Variants in GUCA1C observed in about 807,000 individuals in gnomAD.
GUCA1C encodes the protein guanylate cyclase activator 1C.
Under a neutral mutation model 16.2 loss-of-function variants are expected in GUCA1C, and 15 were observed. The ratio of observed to expected loss-of-function variants is 0.93; its 90% CI spans 0.62 to 1.43. The LOEUF is 1.43. Ranked by LOEUF, GUCA1C falls within the 40% of genes most tolerant of loss-of-function variation. The pLI is 0.00. For missense variants in GUCA1C, 275 were observed against 244.8 expected (o/e 1.12, Z -0.82); for synonymous variants, 78 against 85.4 (o/e 0.91, Z 0.48).
At chr3:108,920,394 C>A in intron 2 of GUCA1C, 42 bp downstream of exon 2, 2 of 1,520,532 alleles carry the variant, frequency 1.3e-6, no homozygotes, top group Non-Finnish European at 1.8e-6. Context: ...ATTGGGTTAA[C>A]TATATAGCGG....
In GUCA1C at chr3:108,920,589, T is replaced by C; in HGVS notation, c.205-4A>G. On this transcript the variant is annotated splice_polypyrimidine_tract_variant and splice_region_variant and intron_variant, in intron 1 of 3. Transcript: ENST00000261047. ...CCAAAAAGTCAACAAATCCATCCTA[T>C]GGAAAGTAAGATGAAAAGAGAAATA... is the stretch of plus-strand genomic sequence containing the variant. The C allele has an allele frequency of 7.0e-7, 1 of 1,430,558 alleles. No homozygotes were observed. The highest frequency in any genetic ancestry group is 1.2e-5 in the South Asian group (1 of 84,716). 88.6% of individuals were successfully genotyped at this position (1,430,558 alleles called of 1,614,324 possible). A position where few individuals can be genotyped will look rare whatever the true frequency, so the allele number is the denominator to read the frequency against.
intron 1 of GUCA1C, among the ~76,000 whole-genome samples, chr3:108,929,305 G>A (rs988571448): frequency 7.2e-5 from 11 of 152,084 alleles, no homozygotes; most frequent in African/African-American, 1.9e-4. Flanking sequence ...CTAAAATCTC[G>A]TATTAGTTCT....
At chr3:108,933,112 ACTGC>A (rs1946687372) in intron 1 of GUCA1C, among the ~76,000 whole-genome samples, 3 of 151,968 alleles carry the variant, frequency 2.0e-5, no homozygotes, top group Non-Finnish European at 4.4e-5. Context: ...CTAATCTCTC[ACTGC>A]CAGCCCTAGC....
intron 1 of GUCA1C, among the ~76,000 whole-genome samples, chr3:108,922,524 A>G: frequency 6.6e-6 from 1 of 151,832 alleles, no homozygotes; most frequent in Non-Finnish European, 1.5e-5. Flanking sequence ...TTTTTTGATT[A>G]TGGCCATTCT....
At chr3:108,943,435 C>G (rs982075836) in intron 1 of GUCA1C, among the ~76,000 whole-genome samples, 2 of 152,078 alleles carry the variant, frequency 1.3e-5, no homozygotes, top group African/African-American at 4.8e-5. Context: ...GACTAAGAGG[C>G]CTTGGAGTAT....
In GUCA1C at chr3:108,907,988, T is replaced by C. The variant is rs779304031; in HGVS notation, c.*34A>G. On this transcript the variant is annotated 3_prime_UTR_variant, in exon 4 of 4. Coordinates refer to ENST00000261047, the MANE Select transcript of GUCA1C (RefSeq NM_005459.4). ...CTATTTCTTCTCTACTGAAATGTTG[T>C]GCTCATTGATAGCTGGGACAGGTAT... is the stretch of plus-strand genomic sequence containing the variant. 6 of 1,476,954 alleles carry C rather than the reference T, an allele frequency of 4.1e-6. No homozygotes were observed. The highest frequency in any genetic ancestry group is 5.6e-6 in the Non-Finnish European group (6 of 1,065,684). The allele number at this position is 1,476,954 out of a possible 1,614,324, so 91.5% of individuals were successfully genotyped here.
intron 1 of GUCA1C, among the ~76,000 whole-genome samples, chr3:108,927,773 G>A (rs35692824): frequency 0.028 from 4,267 of 152,216 alleles, 78 homozygotes; most frequent in Middle Eastern, 0.12. Context: ...TGGTGAGCTG[G>A]TATGATCTTG....
intron 3 of GUCA1C, among the ~76,000 whole-genome samples, chr3:108,911,249 C>T (rs1946449975): frequency 6.6e-6 from 1 of 152,172 alleles, no homozygotes; most frequent in Non-Finnish European, 1.5e-5. Flanking sequence ...CCATTTACAT[C>T]TTAAATAATC....
intron 3 of GUCA1C, among the ~76,000 whole-genome samples, chr3:108,912,512 T>C (rs1006263130): frequency 2.6e-5 from 4 of 152,066 alleles, no homozygotes; most frequent in African/African-American, 9.7e-5. Flanking sequence ...TAAAACTAAT[T>C]TGTTAAATTA....
chr3:108,911,999 G>A (rs978671169), intron 3 of GUCA1C, among the ~76,000 whole-genome samples: 6 of 151,028 alleles, frequency 4.0e-5, no homozygotes, highest in Non-Finnish European at 8.9e-5. Flanking sequence ...CCAGCTACTC[G>A]GGAGGCTGAG....
chr3:108,939,324 C>CTTTTTGTTTTTTTTTTTTT (rs1946761353), intron 1 of GUCA1C, among the ~76,000 whole-genome samples: 1 of 32,912 alleles, frequency 3.0e-5, no homozygotes, highest in Non-Finnish European at 6.0e-5. Context: ...TGCTTCAAGG[C>CTTTTTGTTTTTTTTTTTTT]TTTTTTTTTT....
chr3:108,922,880 C>G (rs1946583026), intron 1 of GUCA1C, among the ~76,000 whole-genome samples: 1 of 152,152 alleles, frequency 6.6e-6, no homozygotes, highest in African/African-American at 2.4e-5. Context: ...TGTTCAACTC[C>G]CACTTATGAG....
chr3:108,954,883 C>A (rs1207903793), upstream of GUCA1C, among the ~76,000 whole-genome samples: 2 of 151,828 alleles, frequency 1.3e-5, no homozygotes, highest in Non-Finnish European at 1.5e-5. Flanking sequence ...ACTACAGGCG[C>A]CCGCCACCAC....
intron 3 of GUCA1C, among the ~76,000 whole-genome samples, chr3:108,911,114 C>T (rs1248643818): frequency 6.6e-6 from 1 of 152,084 alleles, no homozygotes; most frequent in Non-Finnish European, 1.5e-5. Context: ...ACTGGTGGCC[C>T]TTTCATCACT....
chr3:108,909,709 A>G (rs1946428546), intron 3 of GUCA1C, among the ~76,000 whole-genome samples: 1 of 152,210 alleles, frequency 6.6e-6, no homozygotes, highest in Admixed American at 6.5e-5. Flanking sequence ...TGACATGGAA[A>G]AGACAGAAAA....
intron 1 of GUCA1C, among the ~76,000 whole-genome samples, chr3:108,928,942 A>C (rs954449312): frequency 6.6e-6 from 1 of 152,192 alleles, no homozygotes; most frequent in Non-Finnish European, 1.5e-5. Flanking sequence ...TCTCCATATA[A>C]CATTAGAATC....
At chr3:108,951,778 A>T (rs974987809) in intron 1 of GUCA1C, among the ~76,000 whole-genome samples, 1 of 152,198 alleles carries the variant, frequency 6.6e-6, no homozygotes, top group Non-Finnish European at 1.5e-5. Flanking sequence ...CATCTAAATT[A>T]AGCTCCTGGG....
rs113803836 is a variant in GUCA1C at position 108,928,103 on chromosome 3, C to T, written c.205-7518G>A. On this transcript the variant is annotated intron_variant, in intron 1 of 3. Transcript: ENST00000261047. ...AGTCGTGGATACCACCACAGTTTTT[C>T]AGCATCTCAGGGAGACTGCAGTGGT... Among the ~76,000 whole-genome samples the T allele has an allele frequency of 2.4e-3, 362 of 152,332 alleles. 2 individuals carry two copies. The highest frequency in any genetic ancestry group is 7.7e-3 in the African/African-American group (321 of 41,576).
intron 1 of GUCA1C, among the ~76,000 whole-genome samples, chr3:108,922,615 G>T (rs1319699289): frequency 6.6e-6 from 1 of 151,908 alleles, no homozygotes; most frequent in Non-Finnish European, 1.5e-5. Flanking sequence ...TTTTCCATAT[G>T]CTTGTTGGCC....
Sources: allele counts gnomAD v4.1 joint callset (sites outside exome capture counted in the v4.1 genomes callset), GRCh38; gene constraint gnomAD v4.1.1; transcripts MANE v1.5; gene names NCBI Gene and HGNC (gene_info 2026-07-23, HGNC 2026-07-21).